The following SEZ6 variants were observed in gnomAD, a reference collection of about 807,000 sequenced individuals.
The protein encoded by SEZ6 is seizure protein 6 homolog.
In SEZ6, 53 loss-of-function variants were observed where a neutral mutation model predicts 101.0. The observed-to-expected ratio is 0.52, with a 90% CI of 0.42 to 0.66. The LOEUF (loss-of-function observed/expected upper bound fraction) is 0.66, where lower values mean the gene tolerates loss of function less well. Among genes scored for constraint, SEZ6 ranks in the 30% least tolerant of loss-of-function variants. SEZ6 has a pLI of 0.00. For missense variants in SEZ6, 1,102 were observed against 1,289.4 expected (o/e 0.85, Z 2.23); for synonymous variants, 488 against 512.2 (o/e 0.95, Z 0.64).
intron 5 of SEZ6, among the ~76,000 whole-genome samples, chr17:28,961,610 A>G (rs2040979654): frequency 6.6e-6 from 1 of 152,118 alleles, no homozygotes; most frequent in Admixed American, 6.5e-5. Flanking sequence ...GGGCTGACTG[A>G]CCTTTCTAGT....
rs1598179922 is a variant in SEZ6 at position 28,960,355 on chromosome 17, G to A, written c.1576+150C>T. On this transcript the variant is annotated intron_variant, in intron 7 of 16. Transcript: ENST00000317338. ...TCCCGGACCCAAAGAGAGGGGCAGG[G>A]AAAGGGGGCCTAAGTACTGAGTGAG... The A allele has an allele frequency of 3.8e-6, 4 of 1,046,128 alleles. No individual in the cohort carries two copies. In the East Asian group the frequency reaches 1.0e-4, roughly 27 times the overall value. 64.8% of individuals were successfully genotyped at this position (1,046,128 alleles called of 1,614,324 possible).
chr17:29,006,238 A>G (rs2041690070), upstream of SEZ6: 2 of 177,326 alleles, frequency 1.1e-5, no homozygotes, highest in South Asian at 4.0e-4. Flanking sequence ...CAAGCATGCC[A>G]CCCTCTTTCC....
At chr17:29,000,626 G>A (rs2041603404) in intron 1 of SEZ6, among the ~76,000 whole-genome samples, 1 of 152,202 alleles carries the variant, frequency 6.6e-6, no homozygotes. Flanking sequence ...TAAAGGGCAT[G>A]TAGGCTCAGA....
intron 1 of SEZ6, among the ~76,000 whole-genome samples, chr17:29,000,818 G>T (rs1341568054): frequency 6.6e-6 from 1 of 152,088 alleles, no homozygotes; most frequent in African/African-American, 2.4e-5. Flanking sequence ...GGGTGCTTAG[G>T]GTGGCTGTTA....
intron 1 of SEZ6, among the ~76,000 whole-genome samples, chr17:28,986,870 G>A (rs770205957): frequency 5.1e-4 from 78 of 152,202 alleles, no homozygotes; most frequent in African/African-American, 2.9e-4. Flanking sequence ...GTCACCCACC[G>A]CAGCCTCTGG....
rs983867155 is a variant in SEZ6 at position 28,971,335 on chromosome 17, G to C, written c.859-1383C>G. Among the ~76,000 whole-genome samples the C allele has an allele frequency of 2.6e-5, 4 of 152,220 alleles. No homozygotes were observed. In the East Asian group the frequency reaches 7.7e-4, roughly 29 times the overall value. On this transcript the variant is annotated intron_variant, in intron 3 of 16. Coordinates refer to ENST00000317338, the MANE Select transcript of SEZ6 (RefSeq NM_178860.5). The stretch of plus-strand genomic sequence containing the variant: ...TGGCTGGGCGCTGTGGCTCACGCCT[G>C]TAATCCCAGCACTTTGGGAGGCCAA...
Position 28,960,654 on chromosome 17 carries a change from C to A in SEZ6, c.1427G>T (p.Gly476Val). ...EDDDRLIIRN[G>V]DNVEAPPVYD... ...CACTGGTGGGGCCTCCACGTTGTCC[C>A]CATTGCGAATGATGAGCCTGAACCA... Residue 476 changes from glycine (G) to valine (V), a missense_variant, in exon 7 of 17, where the codon GGG becomes GTG. By Grantham distance (109) the Gly-to-Val change is moderately radical. This residue lies in a region of SEZ6 where 556 missense variants were observed against 735.1 expected (regional missense o/e 0.76). Transcript: ENST00000317338. 1 of 1,604,564 alleles carries A rather than the reference C, an allele frequency of 6.2e-7. No individual in the cohort carries two copies. Among genetic ancestry groups the A allele is most frequent in the East Asian group, 2.3e-5 (1 of 44,372 alleles).
chr17:28,964,756 T>C (rs1218867964), intron 4 of SEZ6, among the ~76,000 whole-genome samples: 1 of 152,232 alleles, frequency 6.6e-6, no homozygotes, highest in Non-Finnish European at 1.5e-5. Flanking sequence ...GCCATGGACT[T>C]CTTTTAAAAC....
intron 1 of SEZ6, among the ~76,000 whole-genome samples, chr17:29,001,049 G>A (rs115348874): frequency 0.016 from 2,407 of 152,266 alleles, 73 homozygotes; most frequent in African/African-American, 0.055. Flanking sequence ...GGCTGATGGC[G>A]TGACAGCTTA....
At position 28,955,686 on chromosome 17, in the gene SEZ6, TTGA is replaced by T; in HGVS notation, c.*273_*275del. On this transcript the variant is annotated 3_prime_UTR_variant, in exon 17 of 17. Coordinates refer to ENST00000317338, the MANE Select transcript of SEZ6 (RefSeq NM_178860.5). Reference sequence around the variant, plus strand: ...ATGAGGAGGCTCAGGATGCTGGCTGTTGATGCTTGTGCTCCAGCTATGTTCTTC... The same window carrying T: ...ATGAGGAGGCTCAGGATGCTGGCTGTTGCTTGTGCTCCAGCTATGTTCTTC... 1 of 645,612 alleles carries T rather than the reference TTGA, an allele frequency of 1.5e-6. No homozygotes were observed. Among genetic ancestry groups the T allele is most frequent in the South Asian group, 1.5e-5 (1 of 66,262 alleles). The allele number at this position is 645,612 out of a possible 1,614,324, so 40.0% of individuals were successfully genotyped here.
intron 4 of SEZ6, among the ~76,000 whole-genome samples, chr17:28,969,437 C>T (rs2041118110): frequency 6.6e-6 from 1 of 152,124 alleles, no homozygotes; most frequent in Non-Finnish European, 1.5e-5. Flanking sequence ...GTGTCCAGCA[C>T]AAGCCTGGCA....
chr17:29,001,571 T>C (rs1412980561), intron 1 of SEZ6, among the ~76,000 whole-genome samples: 1 of 152,190 alleles, frequency 6.6e-6, no homozygotes, highest in African/African-American at 2.4e-5. Context: ...GTGAGCCAGA[T>C]TGGTCCGGGA....
Position 28,957,112 on chromosome 17 carries a change from C to G in SEZ6, c.2625G>C (p.Gln875His). ...GCCCAGGCACACACTTGATGCTGGC[C>G]TGGCCCTTCAGCACATAGCCAGGGG... ...SCAPGYVLKG[Q>H]ASIKCVPGHP... Residue 875 changes from glutamine (Q) to histidine (H), a missense_variant, in exon 13 of 17, where the codon CAG becomes CAC. Physicochemically the swap from Gln to His is conservative, Grantham distance 24. Around this residue, in one of 3 missense-constraint regions of SEZ6, gnomAD observed 556 missense variants for 735.1 expected, o/e 0.76. Coordinates refer to ENST00000317338, the MANE Select transcript of SEZ6 (RefSeq NM_178860.5). 6.2e-7 allele frequency: 1 copy of G among 1,613,652 alleles called. No individual in the cohort carries two copies. The highest frequency in any genetic ancestry group is 8.5e-7 in the Non-Finnish European group (1 of 1,179,644).
intron 1 of SEZ6, among the ~76,000 whole-genome samples, chr17:28,993,206 A>G (rs2041489614): frequency 6.6e-6 from 1 of 151,984 alleles, no homozygotes; most frequent in Admixed American, 6.5e-5. Context: ...GCCAGGGCAG[A>G]GTCCTAGGTA....
rs561142500 is a variant in SEZ6 at position 28,955,833 on chromosome 17, T to C, written c.*129A>G. ...GGAAGGGCACAACTTCTTGAGGGCT[T>C]GGTGGCATCTCCTCCTAGGTGGTAT... is the stretch of plus-strand genomic sequence containing the variant. On this transcript the variant is annotated 3_prime_UTR_variant, in exon 17 of 17. Coordinates refer to ENST00000317338, the MANE Select transcript of SEZ6 (RefSeq NM_178860.5). The C allele has an allele frequency of 8.6e-5, 91 of 1,058,086 alleles. No homozygotes were observed. The South Asian group carries it at 1.2e-3, about 14-fold the overall frequency. 65.5% of individuals were successfully genotyped at this position (1,058,086 alleles called of 1,614,324 possible). A position where few individuals can be genotyped will look rare whatever the true frequency, so the allele number is the denominator to read the frequency against.
At chr17:28,996,279 C>T (rs2041538456) in intron 1 of SEZ6, among the ~76,000 whole-genome samples, 1 of 152,044 alleles carries the variant, frequency 6.6e-6, no homozygotes, top group South Asian at 2.1e-4. Context: ...AGAGGGAGGT[C>T]ATCGTGGGAC....
chr17:28,990,917 A>T (rs34580233), intron 1 of SEZ6, among the ~76,000 whole-genome samples: 24,088 of 151,828 alleles, frequency 0.16, 2,121 homozygotes, highest in South Asian at 0.34. Context: ...ATTAAAAAAA[A>T]TTTTTTTTGA....
rs756701983 is a variant in SEZ6 at position 28,959,677 on chromosome 17, C to T, written c.1771+21G>A. The T allele has an allele frequency of 2.6e-6, 4 of 1,563,784 alleles. No homozygotes were observed. The highest frequency in any genetic ancestry group is 3.6e-5 in the Admixed American group (2 of 56,112). ...GACCCTGCCTTTTGCCCGGTAGGCC[C>T]ATCCACTGGTGTCTACTGACCTCGG... On this transcript the variant is annotated intron_variant, in intron 8 of 16. Transcript: ENST00000317338. This position sits in a 1 kb window ranked among gnomAD's most constrained non-coding sequence, Gnocchi z 4.4.
intron 13 of SEZ6, 54 bp downstream of exon 13, chr17:28,956,991 G>T: frequency 6.7e-7 from 1 of 1,494,674 alleles, no homozygotes; most frequent in Non-Finnish European, 9.0e-7. Context: ...GGACATCTTT[G>T]CCAGAGCAGC....
Sources: gnomAD v4.1 joint callset for allele counts (sites outside exome capture counted in the v4.1 genomes callset) on GRCh38, gnomAD v4.1.1 for gene constraint, gnomAD v4.1.1 regional missense constraint, Gnocchi (gnomAD v3.1) non-coding constraint, MANE v1.5 for transcripts, NCBI Gene and HGNC (gene_info 2026-07-23, HGNC 2026-07-21) for gene names.